Variants in BTBD8 observed in about 807,000 individuals in gnomAD.
The protein encoded by BTBD8 is BTB/POZ domain-containing protein 8.
In BTBD8, 110 loss-of-function variants were observed where a neutral mutation model predicts 162.9. The ratio of observed to expected loss-of-function variants is 0.68; its 90% CI spans 0.58 to 0.79. The LOEUF (loss-of-function observed/expected upper bound fraction) is 0.79, where lower values mean the gene tolerates loss of function less well. Ranked by LOEUF, BTBD8 falls within the 30% of genes least tolerant of loss-of-function variation. BTBD8 has a pLI of 0.00. For synonymous variants in BTBD8, 667 were observed against 716.1 expected, an observed-to-expected ratio of 0.93 and a Z score of 1.10; for missense variants, 1,905 against 2,085.4, an observed-to-expected ratio of 0.91 and a Z score of 1.68.
At chr1:92,134,253 A>T (rs763265719) in intron 5 of BTBD8, among the ~76,000 whole-genome samples, 1 of 152,172 alleles carries the variant, frequency 6.6e-6, no homozygotes, top group African/African-American at 2.4e-5. Context: ...GGCCTTCAAT[A>T]TAAGTTTTGA....
At chr1:92,102,360 A>T in intron 2 of BTBD8, 113 bp from the exon 3 acceptor site, 1 of 949,178 alleles carries the variant, frequency 1.1e-6, no homozygotes, top group Non-Finnish European at 1.4e-6. Flanking sequence ...AGTTAGTCCA[A>T]ATTAAGAAGG....
intron 1 of BTBD8, among the ~76,000 whole-genome samples, chr1:92,083,769 A>C (rs189651124): frequency 1.3e-5 from 2 of 152,330 alleles, no homozygotes; most frequent in East Asian, 3.9e-4. Context: ...GAGATTTTAT[A>C]GTCCAGGGAT....
At chr1:92,145,497 G>A (rs1283866929) in intron 7 of BTBD8, among the ~76,000 whole-genome samples, 1 of 152,132 alleles carries the variant, frequency 6.6e-6, no homozygotes, top group Middle Eastern at 3.2e-3. Flanking sequence ...TATTTAAAGT[G>A]TATAAAGAGA....
intron 1 of BTBD8, among the ~76,000 whole-genome samples, chr1:92,084,778 G>T (rs1385134980): frequency 6.6e-6 from 1 of 152,138 alleles, no homozygotes; most frequent in Non-Finnish European, 1.5e-5. Context: ...TAGAGGTTCA[G>T]CACACACAAT....
chr1:92,082,477 G>A (rs945373890), intron 1 of BTBD8, among the ~76,000 whole-genome samples: 1 of 152,164 alleles, frequency 6.6e-6, no homozygotes, highest in African/African-American at 2.4e-5. Flanking sequence ...GGTGAGTTGG[G>A]AAGACTTTAT....
intron 16 of BTBD8, 73 bp downstream of exon 16, chr1:92,178,524 G>A (rs1462881743): frequency 8.0e-7 from 1 of 1,247,236 alleles, no homozygotes; most frequent in Non-Finnish European, 1.1e-6. Flanking sequence ...ACTCTGATTT[G>A]CAACTTCAGT....
At chr1:92,128,307 C>T (rs1366084771) in intron 4 of BTBD8, among the ~76,000 whole-genome samples, 5 of 146,542 alleles carry the variant, frequency 3.4e-5, no homozygotes, top group Non-Finnish European at 6.0e-5. Flanking sequence ...GAGACACAGT[C>T]TTGCTCTGTC....
At chr1:92,104,695 A>T (rs1428704578) in intron 3 of BTBD8, among the ~76,000 whole-genome samples, 1 of 152,138 alleles carries the variant, frequency 6.6e-6, no homozygotes, top group Non-Finnish European at 1.5e-5. Flanking sequence ...AGCTTAACAG[A>T]CATTTTTTTG....
At chr1:92,135,183 G>C (rs1331822960) in intron 5 of BTBD8, among the ~76,000 whole-genome samples, 1 of 151,588 alleles carries the variant, frequency 6.6e-6, no homozygotes, top group African/African-American at 2.4e-5. Context: ...CACTGTGCCC[G>C]GCCTTATTTT....
At chr1:92,153,749 T>C (rs1453147617) in intron 9 of BTBD8, among the ~76,000 whole-genome samples, 1 of 152,214 alleles carries the variant, frequency 6.6e-6, no homozygotes, top group Non-Finnish European at 1.5e-5. Flanking sequence ...CTTTATCCAT[T>C]TGTCTATTGG....
Position 92,080,469 on chromosome 1 carries a change from G to A in BTBD8, c.-103G>A. 6.6e-7 allele frequency: 1 copy of A among 1,523,206 alleles called. No homozygotes were observed. The highest frequency in any genetic ancestry group is 8.8e-7 in the Non-Finnish European group (1 of 1,136,750). 94.4% of individuals were successfully genotyped at this position (1,523,206 alleles called of 1,614,324 possible). A position where few individuals can be genotyped will look rare whatever the true frequency, so the allele number is the denominator to read the frequency against. On this transcript the variant is annotated 5_prime_UTR_variant, in exon 1 of 18. Transcript: ENST00000636805. ...ACCTTTTACCCTAGGGGGCGGATTT[G>A]GGTAGGAGCCGAGCGTTCGGTCGGA...
intron 4 of BTBD8, among the ~76,000 whole-genome samples, chr1:92,109,599 A>G (rs1259800642): frequency 6.6e-6 from 1 of 152,222 alleles, no homozygotes; most frequent in Non-Finnish European, 1.5e-5. Context: ...TAGAAAGACA[A>G]TAAGTTTTCC....
intron 9 of BTBD8, among the ~76,000 whole-genome samples, chr1:92,162,114 G>A (rs891260734): frequency 6.6e-6 from 1 of 152,108 alleles, no homozygotes; most frequent in Non-Finnish European, 1.5e-5. Context: ...GCAGCGTTTT[G>A]GATACCCCTG....
At chr1:92,121,140 T>A (rs778294090) in intron 4 of BTBD8, among the ~76,000 whole-genome samples, 2 of 152,230 alleles carry the variant, frequency 1.3e-5, no homozygotes, top group Admixed American at 6.5e-5. Flanking sequence ...ATTTTGATGA[T>A]CACTTGATTT....
intron 2 of BTBD8, among the ~76,000 whole-genome samples, chr1:92,096,594 A>T (rs1008017527): frequency 6.8e-6 from 1 of 147,204 alleles, no homozygotes; most frequent in East Asian, 2.0e-4. Flanking sequence ...TCTGTTGCCT[A>T]GGCTGGAGTG....
At chr1:92,144,932 G>C (rs1376680768) in intron 7 of BTBD8, among the ~76,000 whole-genome samples, 2 of 151,830 alleles carry the variant, frequency 1.3e-5, no homozygotes, top group African/African-American at 4.8e-5. Flanking sequence ...AATATGCAAA[G>C]CAAAATATTT....
chr1:92,113,135 A>T (rs1648942967), intron 4 of BTBD8, among the ~76,000 whole-genome samples: 2 of 152,230 alleles, frequency 1.3e-5, no homozygotes, highest in Admixed American at 1.3e-4. Context: ...TTGGAAAATA[A>T]CAAATTTGGC....
chr1:92,147,151 AT>A, intron 7 of BTBD8, 28 bp from the exon 8 acceptor site: 2 of 1,522,654 alleles, frequency 1.3e-6, no homozygotes, highest in Non-Finnish European at 1.8e-6. Flanking sequence ...TTGAAAAGGA[AT>A]AAATATGGTG....
At chr1:92,081,378 A>G (rs574163286) in intron 1 of BTBD8, among the ~76,000 whole-genome samples, 1 of 152,324 alleles carries the variant, frequency 6.6e-6, no homozygotes, top group South Asian at 2.1e-4. Context: ...TTCAGCTTAC[A>G]AAGAAATTGA....
Sources: gnomAD v4.1 joint callset for allele counts (sites outside exome capture counted in the v4.1 genomes callset) on GRCh38, gnomAD v4.1.1 for gene constraint, MANE v1.5 for transcripts, NCBI Gene and HGNC (gene_info 2026-07-23, HGNC 2026-07-21) for gene names.